Variants in PKNOX2 observed in about 807,000 individuals in gnomAD.
PKNOX2 encodes homeobox protein PKNOX2.
A neutral mutation model predicts 53.1 loss-of-function variants in PKNOX2; 14 were observed. The ratio of observed to expected loss-of-function variants is 0.26; its 90% CI spans 0.17 to 0.41. The LOEUF (loss-of-function observed/expected upper bound fraction) is 0.41. Ranked by LOEUF, PKNOX2 falls within the 10% of genes least tolerant of loss-of-function variation. The probability of loss-of-function intolerance (pLI) is 1.00; values close to 1 mark genes in which losing one functional copy is unlikely to be tolerated. For synonymous variants in PKNOX2, 257 were observed against 242.8 expected (o/e 1.06, Z -0.54); for missense variants, 496 against 602.8 (o/e 0.82, Z 1.85).
intron 1 of PKNOX2, among the ~76,000 whole-genome samples, chr11:125,181,422 T>C (rs1194632896): frequency 1.3e-5 from 2 of 152,212 alleles, no homozygotes; most frequent in Non-Finnish European, 2.9e-5. Flanking sequence ...GGAAGCAGAA[T>C]GTTTGGATAG....
chr11:125,286,553 C>T (rs1946911449), intron 2 of PKNOX2, among the ~76,000 whole-genome samples: 1 of 152,234 alleles, frequency 6.6e-6, no homozygotes, highest in African/African-American at 2.4e-5. Flanking sequence ...CCTATGCCAC[C>T]CCTTCGCCAC....
At chr11:125,214,588 C>T (rs1214301940) in intron 1 of PKNOX2, among the ~76,000 whole-genome samples, 1 of 152,062 alleles carries the variant, frequency 6.6e-6, no homozygotes, top group Non-Finnish European at 1.5e-5. Flanking sequence ...TGCCTGGGTG[C>T]AAGTTGAGCC....
chr11:125,189,447 G>GTGTGTGTA (rs1256963392), intron 1 of PKNOX2, among the ~76,000 whole-genome samples: 3 of 23,464 alleles, frequency 1.3e-4, no homozygotes, highest in Admixed American at 4.7e-4. Context: ...GTGTGTGTGT[G>GTGTGTGTA]TATATATATA....
chr11:125,339,521 T>G (rs2136145538), intron 3 of PKNOX2, among the ~76,000 whole-genome samples: 1 of 152,302 alleles, frequency 6.6e-6, no homozygotes, highest in Non-Finnish European at 1.5e-5. Context: ...TCTTTACAGC[T>G]GTGGGTGGTC....
intron 2 of PKNOX2, among the ~76,000 whole-genome samples, chr11:125,276,684 T>TG (rs779156481): frequency 2.6e-5 from 4 of 152,128 alleles, no homozygotes; most frequent in Non-Finnish European, 5.9e-5. Context: ...GAGGGAGTGT[T>TG]GGAGACCTGG....
intron 3 of PKNOX2, among the ~76,000 whole-genome samples, chr11:125,335,603 T>A (rs1449381887): frequency 6.6e-6 from 1 of 152,052 alleles, no homozygotes. Flanking sequence ...GAACTTAGAG[T>A]TGTTACTTGA....
chr11:125,245,597 G>T (rs1009080383), intron 2 of PKNOX2, among the ~76,000 whole-genome samples: 7 of 152,218 alleles, frequency 4.6e-5, no homozygotes, highest in African/African-American at 1.7e-4. Context: ...CAGAGGCCCT[G>T]GTCCTAGCCT....
At chr11:125,272,740 A>G (rs1209809082) in intron 2 of PKNOX2, among the ~76,000 whole-genome samples, 1 of 151,798 alleles carries the variant, frequency 6.6e-6, no homozygotes, top group Non-Finnish European at 1.5e-5. Flanking sequence ...CCCCTTCTTT[A>G]TTTTTCCCAC....
At chr11:125,381,172 C>G (rs1721297173) in intron 5 of PKNOX2, among the ~76,000 whole-genome samples, 1 of 152,080 alleles carries the variant, frequency 6.6e-6, no homozygotes, top group African/African-American at 2.4e-5. Context: ...CCACAGGCGC[C>G]CCGCTGACCA....
At chr11:125,405,493 C>T (rs1387668822) in intron 7 of PKNOX2, among the ~76,000 whole-genome samples, 1 of 144,506 alleles carries the variant, frequency 6.9e-6, no homozygotes, top group Non-Finnish European at 1.6e-5. Flanking sequence ...TCATGTGGGC[C>T]CCTGCACCCC....
chr11:125,171,068 C>T (rs1955281592), intron 1 of PKNOX2, among the ~76,000 whole-genome samples: 1 of 152,176 alleles, frequency 6.6e-6, no homozygotes, highest in Non-Finnish European at 1.5e-5. Context: ...AAATCCTCCA[C>T]CTCATTAGGA....
chr11:125,312,740 G>T (rs1189194220), intron 2 of PKNOX2, among the ~76,000 whole-genome samples: 1 of 152,190 alleles, frequency 6.6e-6, no homozygotes, highest in East Asian at 1.9e-4. Flanking sequence ...CAATTCAGCG[G>T]GCTCAGCAGC....
intron 2 of PKNOX2, among the ~76,000 whole-genome samples, chr11:125,296,926 G>A (rs1335437522): frequency 2.0e-5 from 3 of 152,182 alleles, no homozygotes; most frequent in African/African-American, 4.8e-5. Context: ...GAGCCATGGC[G>A]CTCAGCGGTT....
intron 2 of PKNOX2, among the ~76,000 whole-genome samples, chr11:125,303,351 G>A (rs930807245): frequency 2.0e-5 from 3 of 152,096 alleles, no homozygotes; most frequent in Non-Finnish European, 4.4e-5. Context: ...AATGTGCCTG[G>A]GGCCACACAG....
chr11:125,169,134 C>G (rs559424407), intron 1 of PKNOX2, among the ~76,000 whole-genome samples: 1 of 152,268 alleles, frequency 6.6e-6, no homozygotes, highest in East Asian at 1.9e-4. Flanking sequence ...GCATGTGAAG[C>G]CAAGTGTCTG....
chr11:125,275,092 G>A (rs1374013161), intron 2 of PKNOX2, among the ~76,000 whole-genome samples: 3 of 152,214 alleles, frequency 2.0e-5, no homozygotes, highest in African/African-American at 7.2e-5. Flanking sequence ...GTAGGGAGGA[G>A]TAGAATGAAT....
intron 1 of PKNOX2, among the ~76,000 whole-genome samples, chr11:125,230,775 T>A (rs961809473): frequency 6.6e-6 from 1 of 152,188 alleles, no homozygotes; most frequent in Non-Finnish European, 1.5e-5. Flanking sequence ...TATTAATATG[T>A]CCTAGGCATT....
At chr11:125,282,368 T>G (rs1391402372) in intron 2 of PKNOX2, among the ~76,000 whole-genome samples, 3 of 152,170 alleles carry the variant, frequency 2.0e-5, no homozygotes, top group East Asian at 1.9e-4. Flanking sequence ...ACTCATAAAG[T>G]GTTCACCACC....
intron 6 of PKNOX2, 86 bp from the exon 7 acceptor site, chr11:125,397,788 C>T: frequency 7.1e-7 from 1 of 1,409,286 alleles, no homozygotes; most frequent in Non-Finnish European, 9.7e-7. Context: ...GGGCTCCCCT[C>T]CCCTGGGGTG....
Sources: allele counts gnomAD v4.1 joint callset (sites outside exome capture counted in the v4.1 genomes callset), GRCh38; gene constraint gnomAD v4.1.1; transcripts MANE v1.5; gene names NCBI Gene and HGNC (gene_info 2026-07-23, HGNC 2026-07-21).